The following GALNT14 variants were observed in gnomAD, a reference collection of about 807,000 sequenced individuals.
GALNT14 encodes the protein UDP-GalNAc:polypeptide N-acetylgalactosaminyltransferase 14.
A neutral mutation model predicts 77.5 loss-of-function variants in GALNT14; 60 were observed. The observed-to-expected ratio is 0.77, with a 90% CI of 0.63 to 0.96. The LOEUF is 0.96. Ranked by LOEUF, GALNT14 falls within the 40% of genes least tolerant of loss-of-function variation. The pLI, the probability that GALNT14 is intolerant of heterozygous loss-of-function variation, is 0.00. For missense variants in GALNT14, 710 were observed against 731.0 expected (o/e 0.97, Z 0.33); for synonymous variants, 280 against 281.7 (o/e 0.99, Z 0.06).
chr2:31,066,270 C>T (rs1674956970), intron 1 of GALNT14, among the ~76,000 whole-genome samples: 1 of 152,168 alleles, frequency 6.6e-6, no homozygotes, highest in South Asian at 2.1e-4. Context: ...TTAAGGGAGA[C>T]CGATGAAGAA....
chr2:30,992,971 A>G lies in GALNT14; in HGVS notation c.166T>C (p.Phe56Leu), dbSNP rs1359223439. ...DADWDDLWDQ[F>L]DERRYLNAKK... ...GCATTCAGATACCGCCGCTCATCAAACTGGTCCCACAGGTCGTCCCAGTCA... is the reference window on the plus strand; with the variant it reads ...GCATTCAGATACCGCCGCTCATCAAGCTGGTCCCACAGGTCGTCCCAGTCA... Residue 56 changes from phenylalanine (F) to leucine (L), a missense_variant, in exon 2 of 15, where the codon TTT becomes CTT. By Grantham distance (22) the Phe-to-Leu change is conservative (BLOSUM62 0). Transcript: ENST00000349752. The G allele has an allele frequency of 1.9e-6, 3 of 1,614,140 alleles. No individual in the cohort carries two copies. Among genetic ancestry groups the G allele is most frequent in the South Asian group, 1.1e-5 (1 of 91,078 alleles).
chr2:30,943,230 G>T (rs1238718698), intron 8 of GALNT14, among the ~76,000 whole-genome samples: 1 of 151,900 alleles, frequency 6.6e-6, no homozygotes, highest in African/African-American at 2.4e-5. Flanking sequence ...CCTTTTCTTC[G>T]TCCCAGTCCC....
At position 30,924,898 on chromosome 2, in the gene GALNT14, C is replaced by G. The variant is rs941665229; in HGVS notation, c.1152-75G>C. The G allele has an allele frequency of 5.7e-6, 7 of 1,234,438 alleles. No individual in the cohort carries two copies. The African/African-American group carries it at 1.0e-4, about 18-fold the overall frequency. The allele number at this position is 1,234,438 out of a possible 1,614,324, so 76.5% of individuals were successfully genotyped here. A position where few individuals can be genotyped will look rare whatever the true frequency, so the allele number is the denominator to read the frequency against. On this transcript the variant is annotated intron_variant, in intron 11 of 14. Coordinates refer to ENST00000349752, the MANE Select transcript of GALNT14 (RefSeq NM_024572.4). Reference sequence around the variant, plus strand: ...AGAGGCAGGCGCCAGCAACGCCAGTCCAGACTGAGAACACAAAGCGCGACC... The same window carrying G: ...AGAGGCAGGCGCCAGCAACGCCAGTGCAGACTGAGAACACAAAGCGCGACC...
chr2:31,012,138 C>T (rs187159920), intron 1 of GALNT14, among the ~76,000 whole-genome samples: 1 of 152,300 alleles, frequency 6.6e-6, no homozygotes, highest in African/African-American at 2.4e-5. Flanking sequence ...TGTCTTTAGA[C>T]CTGTATTTAA....
intron 1 of GALNT14, among the ~76,000 whole-genome samples, chr2:31,018,083 GA>G (rs1671490506): frequency 6.6e-6 from 1 of 152,218 alleles, no homozygotes; most frequent in Non-Finnish European, 1.5e-5. Flanking sequence ...TTCACGACAA[GA>G]AAGGGGCCTG....
At position 30,958,398 on chromosome 2, in the gene GALNT14, G is replaced by T; in HGVS notation, c.465C>A (p.Asp155Glu). Residue 155 changes from aspartate to glutamate, a missense_variant and splice_region_variant, in exon 4 of 15, where the codon GAC becomes GAA. Transcript: ENST00000349752. The part of the protein sequence containing the change: ...EIILVDDFSN[D>E]PDDCKQLIKL... ...GAGCAAGTGAGCAACATGACTTACG[G>T]TCATTGCTGAAGTCATCCACTAATA... 1 of 1,613,214 alleles carries T rather than the reference G, an allele frequency of 6.2e-7. No homozygotes were observed. The highest frequency in any genetic ancestry group is 1.7e-5 in the Admixed American group (1 of 60,028).
chr2:31,048,728 G>T (rs1233504022), intron 1 of GALNT14, among the ~76,000 whole-genome samples: 3 of 152,034 alleles, frequency 2.0e-5, no homozygotes, highest in Non-Finnish European at 4.4e-5. Context: ...CTGCCCACAT[G>T]ATGTGCCAGG....
At chr2:30,933,259 TG>T (rs1665851249) in intron 9 of GALNT14, among the ~76,000 whole-genome samples, 2 of 152,182 alleles carry the variant, frequency 1.3e-5, no homozygotes, top group African/African-American at 4.8e-5. Context: ...TGCATCCCAC[TG>T]GGCCTGTCAC....
intron 2 of GALNT14, among the ~76,000 whole-genome samples, chr2:30,984,719 C>T (rs1669190582): frequency 6.6e-6 from 1 of 152,178 alleles, no homozygotes; most frequent in African/African-American, 2.4e-5. Context: ...GTGCCCCACT[C>T]GCCAGCACAC....
intron 9 of GALNT14, among the ~76,000 whole-genome samples, chr2:30,939,602 C>T (rs1041732312): frequency 6.6e-6 from 1 of 152,042 alleles, no homozygotes; most frequent in African/African-American, 2.4e-5. Flanking sequence ...CATTTCAAAA[C>T]AAGCACTTTG....
At chr2:31,032,838 CT>C (rs1672499656) in intron 1 of GALNT14, among the ~76,000 whole-genome samples, 1 of 152,108 alleles carries the variant, frequency 6.6e-6, no homozygotes. Flanking sequence ...CTGCCTCAGG[CT>C]TTATTTTGCT....
chr2:30,968,553 C>A (rs1446340023), intron 2 of GALNT14, among the ~76,000 whole-genome samples: 1 of 152,188 alleles, frequency 6.6e-6, no homozygotes, highest in Non-Finnish European at 1.5e-5. Context: ...ACTGTGGCCA[C>A]CTGCTGAAGG....
At chr2:31,010,286 C>G (rs569397857) in intron 1 of GALNT14, among the ~76,000 whole-genome samples, 50 of 152,262 alleles carry the variant, frequency 3.3e-4, no homozygotes, top group Non-Finnish European at 6.6e-4. Flanking sequence ...CTGCGCCTGG[C>G]CCAAAGTCGC....
chr2:30,932,693 A>G (rs1665814245), intron 9 of GALNT14, among the ~76,000 whole-genome samples: 1 of 152,224 alleles, frequency 6.6e-6, no homozygotes. Flanking sequence ...GACTCAGGAC[A>G]GGCTAGAAAA....
At chr2:30,948,549 G>A (rs141938613) in intron 6 of GALNT14, among the ~76,000 whole-genome samples, 28 of 152,276 alleles carry the variant, frequency 1.8e-4, no homozygotes, top group African/African-American at 5.3e-4. Context: ...CGAGGCTTGC[G>A]GGGAGCTTTA....
chr2:30,922,872 T>A (rs529421942), intron 13 of GALNT14, among the ~76,000 whole-genome samples: 2 of 152,166 alleles, frequency 1.3e-5, no homozygotes, highest in African/African-American at 4.8e-5. Flanking sequence ...AATTCATGGA[T>A]AGATGAAGAT....
intron 1 of GALNT14, among the ~76,000 whole-genome samples, chr2:31,008,523 C>G (rs1313446183): frequency 6.6e-6 from 1 of 152,182 alleles, no homozygotes; most frequent in Non-Finnish European, 1.5e-5. Flanking sequence ...CACTAAATGG[C>G]TCCCCCCAGC....
chr2:31,028,029 T>C (rs1333436271), intron 1 of GALNT14, among the ~76,000 whole-genome samples: 1 of 152,134 alleles, frequency 6.6e-6, no homozygotes, highest in Non-Finnish European at 1.5e-5. Flanking sequence ...GTGAGGTGTA[T>C]AACGCATGCA....
At chr2:31,053,785 C>T (rs537209704) in intron 1 of GALNT14, among the ~76,000 whole-genome samples, 2 of 152,150 alleles carry the variant, frequency 1.3e-5, no homozygotes, top group African/African-American at 2.4e-5. Context: ...TGCTTTCTAA[C>T]GAGAGACATA....
Sources: gnomAD v4.1 joint callset for allele counts (sites outside exome capture counted in the v4.1 genomes callset) on GRCh38, gnomAD v4.1.1 for gene constraint, MANE v1.5 for transcripts, NCBI Gene and HGNC (gene_info 2026-07-23, HGNC 2026-07-21) for gene names.